Variants in OR4Q3 observed in about 807,000 individuals in gnomAD.
OR4Q3 encodes olfactory receptor family 4 subfamily Q member 3, also known as olfactory receptor 4Q3.
In OR4Q3, 17 loss-of-function variants were observed where a neutral mutation model predicts 18.8. The ratio of observed to expected loss-of-function variants is 0.91; its 90% CI spans 0.62 to 1.36. OR4Q3 has a LOEUF of 1.36. Among genes scored for constraint, OR4Q3 ranks in the 40% most tolerant of loss-of-function variants. OR4Q3 has a pLI of 0.00. For synonymous variants in OR4Q3, 158 were observed against 145.8 expected, an observed-to-expected ratio of 1.08 and a Z score of -0.60; for missense variants, 378 against 373.4, an observed-to-expected ratio of 1.01 and a Z score of -0.10.
At chr14:19,751,294 G>A, downstream of OR4Q3, among the ~76,000 whole-genome samples, 2 of 152,200 alleles carry the variant, frequency 1.3e-5, no homozygotes, top group Non-Finnish European at 2.9e-5. Flanking sequence ...GTATTGTGTT[G>A]AGGATTTTTG....
At chr14:19,744,303 G>A (rs997776709) in intron 1 of OR4Q3, among the ~76,000 whole-genome samples, 16 of 151,030 alleles carry the variant, frequency 1.1e-4, no homozygotes, top group African/African-American at 3.6e-4. Flanking sequence ...TATTGTTGAG[G>A]TAGTCAAATT....
downstream of OR4Q3, among the ~76,000 whole-genome samples, chr14:19,751,578 G>T: frequency 6.6e-6 from 1 of 150,912 alleles, no homozygotes; most frequent in Admixed American, 6.6e-5. Context: ...GCTTGATATT[G>T]ACTTATTAAG....
chr14:19,748,529 G>A, exon 2 of OR4Q3: 1 of 638,216 alleles, frequency 1.6e-6, no homozygotes, highest in South Asian at 2.2e-5. Flanking sequence ...TAAAAGCATA[G>A]GTGGCACTCT....
At chr14:19,747,063 G>A in intron 1 of OR4Q3, among the ~76,000 whole-genome samples, 1 of 152,198 alleles carries the variant, frequency 6.6e-6, no homozygotes, top group Non-Finnish European at 1.5e-5. Context: ...GTGGAGCTAG[G>A]CATTCAATCT....
intron 1 of OR4Q3, among the ~76,000 whole-genome samples, chr14:19,745,191 G>T: frequency 6.6e-5 from 10 of 152,166 alleles, no homozygotes; most frequent in African/African-American, 2.4e-4. Flanking sequence ...AATCACCTAG[G>T]AACTGTCCAG....
At chr14:19,745,110 G>A in intron 1 of OR4Q3, among the ~76,000 whole-genome samples, 1 of 151,936 alleles carries the variant, frequency 6.6e-6, no homozygotes. Context: ...CTGACATACA[G>A]GGCTGCCTAT....
downstream of OR4Q3, among the ~76,000 whole-genome samples, chr14:19,750,719 A>G: frequency 6.6e-6 from 1 of 152,218 alleles, no homozygotes; most frequent in Non-Finnish European, 1.5e-5. Context: ...GTATGTGTAT[A>G]TGTATATATT....
exon 2 of OR4Q3, chr14:19,749,423 AC>A: frequency 6.6e-6 from 1 of 152,258 alleles, no homozygotes; most frequent in Non-Finnish European, 1.5e-5. Flanking sequence ...ATATGGAGAA[AC>A]CCCGTCTCTA....
exon 2 of OR4Q3, chr14:19,749,448 A>G: frequency 1.3e-5 from 2 of 152,598 alleles, no homozygotes; most frequent in African/African-American, 4.8e-5. Flanking sequence ...AAAATACAAA[A>G]TTAGCCGGAC....
chr14:19,748,864 C>G lies in OR4Q3; in HGVS notation c.*495C>G. The stretch of plus-strand genomic sequence containing the variant: ...AAAGCCTGAGAACAGTAACAACCAC[C>G]TATGTGTAGTATTTACCTCAGAACT... On this transcript the variant is annotated 3_prime_UTR_variant, in exon 2 of 2. Transcript: ENST00000642117. The G allele has an allele frequency of 5.0e-5, 8 of 161,198 alleles. No homozygotes were observed. In the South Asian group the frequency reaches 6.9e-4, roughly 14 times the overall value. The allele number at this position is 161,198 out of a possible 1,614,324, so 10.0% of individuals were successfully genotyped here. A position where few individuals can be genotyped will look rare whatever the true frequency, so the allele number is the denominator to read the frequency against.
At chr14:19,748,533 G>A in exon 2 of OR4Q3, 13 of 625,370 alleles carry the variant, frequency 2.1e-5, no homozygotes, top group Non-Finnish European at 3.2e-5. Flanking sequence ...AGCATAGGTG[G>A]CACTCTAGAA....
chr14:19,748,391 T>C, exon 2 of OR4Q3: 1 of 1,534,976 alleles, frequency 6.5e-7, no homozygotes, highest in African/African-American at 1.4e-5. Flanking sequence ...AAGAGGTGAT[T>C]TGAAAAACAC....
chr14:19,746,341 T>G, intron 1 of OR4Q3, among the ~76,000 whole-genome samples: 1 of 152,210 alleles, frequency 6.6e-6, no homozygotes, highest in Non-Finnish European at 1.5e-5. Flanking sequence ...CAAGGTACTG[T>G]CATCAAATGT....
intron 1 of OR4Q3, among the ~76,000 whole-genome samples, chr14:19,746,468 G>A: frequency 6.6e-6 from 1 of 152,054 alleles, no homozygotes; most frequent in Non-Finnish European, 1.5e-5. Context: ...ACACAACTCT[G>A]GTTTCTCTTA....
intron 1 of OR4Q3, among the ~76,000 whole-genome samples, chr14:19,746,030 A>C: frequency 6.6e-6 from 1 of 152,044 alleles, no homozygotes; most frequent in Admixed American, 6.6e-5. Context: ...CATCCTAGAG[A>C]AAGTTTTGTT....
At chr14:19,751,745 G>A, downstream of OR4Q3, among the ~76,000 whole-genome samples, 2 of 150,166 alleles carry the variant, frequency 1.3e-5, no homozygotes, top group Admixed American at 6.7e-5. Flanking sequence ...TGTCATTTTT[G>A]TCCTTTTTGA....
Position 19,747,495 on chromosome 14 carries a change from T to G in OR4Q3, c.92T>G (p.Leu31Arg). Reference sequence around the variant, plus strand: ...CTGGGCCTATCATCTTCTTGGGAGCTGCAGCTATTTCTCTTCTTACTATTT... The same window carrying G: ...CTGGGCCTATCATCTTCTTGGGAGCGGCAGCTATTTCTCTTCTTACTATTT... The change falls in exon 2 of 2, where the codon CTG becomes CGG. Residue 31 changes from leucine to arginine, a missense_variant. Transcript: ENST00000642117. 6.2e-7 allele frequency: 1 copy of G among 1,613,518 alleles called. No homozygotes were observed. The highest frequency in any genetic ancestry group is 1.3e-5 in the African/African-American group (1 of 74,920).
chr14:19,748,147 C>T lies in OR4Q3; in HGVS notation c.744C>T (p.Thr248=). The change falls in exon 2 of 2, where the codon ACC becomes ACT. Residue 248 remains threonine (T), a synonymous_variant. Coordinates refer to ENST00000642117, the Ensembl canonical transcript of OR4Q3. Reference sequence around the variant, plus strand: ...AGGGCCAGAACAAGGTCTTCTCTACCTGTGCTTCTCACCTGACAGTGGTCA... The same window carrying T: ...AGGGCCAGAACAAGGTCTTCTCTACTTGTGCTTCTCACCTGACAGTGGTCA... The T allele has an allele frequency of 1.1e-5, 18 of 1,613,982 alleles. No homozygotes were observed. In the African/African-American group the frequency reaches 1.6e-4, roughly 14 times the overall value.
intron 1 of OR4Q3, among the ~76,000 whole-genome samples, chr14:19,746,649 C>A: frequency 9.8e-5 from 15 of 152,310 alleles, no homozygotes; most frequent in African/African-American, 3.6e-4. Context: ...CTTCTTACCT[C>A]ATTTTTACAA....
Sources: gnomAD v4.1 joint callset for allele counts (sites outside exome capture counted in the v4.1 genomes callset) on GRCh38, gnomAD v4.1.1 for gene constraint, MANE v1.5 for transcripts, NCBI Gene and HGNC (gene_info 2026-07-23, HGNC 2026-07-21) for gene names.